The following MTUS2 variants were observed in gnomAD, a reference collection of about 807,000 sequenced individuals.
MTUS2 encodes microtubule-associated tumor suppressor candidate 2.
Under a neutral mutation model 114.1 loss-of-function variants are expected in MTUS2, and 40 were observed. The ratio of observed to expected loss-of-function variants is 0.35; its 90% CI spans 0.27 to 0.46. The LOEUF is 0.46. Among genes scored for constraint, MTUS2 ranks in the 20% least tolerant of loss-of-function variants. The probability of loss-of-function intolerance (pLI) is 1.00; values close to 1 mark genes in which losing one functional copy is unlikely to be tolerated. For synonymous variants in MTUS2, 688 were observed against 672.0 expected (o/e 1.02, Z -0.37); for missense variants, 1,679 against 1,705.4 (o/e 0.98, Z 0.27).
At chr13:29,491,629 T>TGTGTGTG (rs1882096861) in intron 11 of MTUS2, among the ~76,000 whole-genome samples, 1 of 146,752 alleles carries the variant, frequency 6.8e-6, no homozygotes, top group Non-Finnish European at 1.5e-5. Context: ...GTGTATGTGA[T>TGTGTGTG]TAGTAGGTGT....
At chr13:29,411,905 A>G (rs1875266914) in intron 8 of MTUS2, among the ~76,000 whole-genome samples, 1 of 152,140 alleles carries the variant, frequency 6.6e-6, no homozygotes, top group Non-Finnish European at 1.5e-5. Context: ...TATGAAGGCT[A>G]TTGATTTTTG....
At chr13:29,019,394 G>A (rs188512794) in intron 2 of MTUS2, among the ~76,000 whole-genome samples, 1 of 152,278 alleles carries the variant, frequency 6.6e-6, no homozygotes, top group African/African-American at 2.4e-5. Flanking sequence ...GATTATCAAT[G>A]AATGATAATG....
chr13:29,218,033 C>G (rs934766032), intron 5 of MTUS2, among the ~76,000 whole-genome samples: 1 of 151,988 alleles, frequency 6.6e-6, no homozygotes, highest in African/African-American at 2.4e-5. Context: ...AGGAGTATTC[C>G]TTGAGTCCAG....
At chr13:29,287,092 A>G (rs1898522372) in intron 6 of MTUS2, among the ~76,000 whole-genome samples, 1 of 152,270 alleles carries the variant, frequency 6.6e-6, no homozygotes. Flanking sequence ...CAGGGAAATT[A>G]TTACAGATGC....
At chr13:29,378,162 G>A (rs1490086858) in intron 8 of MTUS2, among the ~76,000 whole-genome samples, 1 of 152,068 alleles carries the variant, frequency 6.6e-6, no homozygotes, top group African/African-American at 2.4e-5. Context: ...AAGCTGTTTT[G>A]TATTCTGATT....
chr13:28,829,357 C>G (rs1410179010), intron 1 of MTUS2, among the ~76,000 whole-genome samples: 2 of 151,824 alleles, frequency 1.3e-5, no homozygotes, highest in African/African-American at 2.4e-5. Flanking sequence ...GAAATGCTGT[C>G]TCTCCTAAAA....
intron 1 of MTUS2, among the ~76,000 whole-genome samples, chr13:28,830,055 AC>A (rs1468795443): frequency 6.6e-6 from 1 of 152,218 alleles, no homozygotes; most frequent in South Asian, 2.1e-4. Context: ...AAATCTCTGT[AC>A]CGTCATTAGC....
At chr13:29,369,812 A>AGATAGGAG (rs1270949124) in intron 8 of MTUS2, among the ~76,000 whole-genome samples, 1 of 152,226 alleles carries the variant, frequency 6.6e-6, no homozygotes, top group African/African-American at 2.4e-5. Context: ...CTGACAAAAT[A>AGATAGGAG]GATAGGAGGT....
At chr13:29,145,377 G>C (rs147249113) in intron 5 of MTUS2, among the ~76,000 whole-genome samples, 3 of 151,946 alleles carry the variant, frequency 2.0e-5, no homozygotes, top group Non-Finnish European at 4.4e-5. Flanking sequence ...AAAATGAGCC[G>C]GGCATGTTGG....
chr13:29,068,095 G>T (rs1888744125), intron 4 of MTUS2, among the ~76,000 whole-genome samples: 1 of 152,202 alleles, frequency 6.6e-6, no homozygotes, highest in African/African-American at 2.4e-5. Context: ...CTGAGATGGT[G>T]TAAAAGAGAA....
intron 4 of MTUS2, among the ~76,000 whole-genome samples, chr13:29,063,775 T>C (rs1042387172): frequency 6.6e-6 from 1 of 152,246 alleles, no homozygotes; most frequent in Admixed American, 6.5e-5. Context: ...GTATTTCTGG[T>C]ATAAGAATTC....
intron 6 of MTUS2, among the ~76,000 whole-genome samples, chr13:29,284,320 G>A (rs935263122): frequency 2.0e-5 from 3 of 151,472 alleles, no homozygotes; most frequent in Admixed American, 6.6e-5. Flanking sequence ...AAATGTAGTC[G>A]ACTATGTTTT....
rs545689224 is a variant in MTUS2, at chr13:29,009,928, A to C, written c.-242-14529A>C. Among the ~76,000 whole-genome samples the C allele has an allele frequency of 7.9e-5, 12 of 152,150 alleles. No homozygotes were observed. The South Asian group carries it at 2.5e-3, about 32-fold the overall frequency. On this transcript the variant is annotated intron_variant, in intron 2 of 15. Transcript: ENST00000612955. ...AGAGTGTGGAGGATAAAAAGCTATA[A>C]AGGCCAGGCACGGTGGCTCACTCCT...
intron 2 of MTUS2, among the ~76,000 whole-genome samples, chr13:28,965,843 C>G (rs1883558008): frequency 6.6e-6 from 1 of 152,020 alleles, no homozygotes; most frequent in African/African-American, 2.4e-5. Context: ...TGTGGCTCAC[C>G]CACATTATGG....
chr13:29,077,019 C>T (rs986110867), intron 4 of MTUS2, among the ~76,000 whole-genome samples: 1 of 152,094 alleles, frequency 6.6e-6, no homozygotes, highest in Non-Finnish European at 1.5e-5. Context: ...TGGTTTTATC[C>T]TCATTTTTCA....
At chr13:28,858,819 G>A (rs558834608) in intron 2 of MTUS2, among the ~76,000 whole-genome samples, 1 of 152,290 alleles carries the variant, frequency 6.6e-6, no homozygotes, top group South Asian at 2.1e-4. Flanking sequence ...GAGTGACAGA[G>A]TGGGTGGGGA....
chr13:29,480,353 C>A lies in MTUS2; in HGVS notation c.3388C>A (p.His1130Asn). 2.0e-6 allele frequency: 3 copies of A among 1,534,796 alleles called. No individual in the cohort carries two copies. The highest frequency in any genetic ancestry group is 2.6e-6 in the Non-Finnish European group (3 of 1,138,260). ...GDQLLSIRCQ[H>N]QEQVEDLTAS... ...CCAGCTGCTGAGCATCCGGTGTCAACACCAGGAGCAGGTCAGTCTGCAGTG... is the reference window on the plus strand; with the variant it reads ...CCAGCTGCTGAGCATCCGGTGTCAAAACCAGGAGCAGGTCAGTCTGCAGTG... Residue 1130 changes from histidine to asparagine, a missense_variant, in exon 10 of 16, where the codon CAC becomes AAC. Transcript: ENST00000612955. The surrounding 1 kb of genome is among the most constrained non-coding windows in gnomAD (Gnocchi z 4.4).
chr13:29,327,581 C>T (rs1296856131), intron 7 of MTUS2, among the ~76,000 whole-genome samples: 5 of 152,106 alleles, frequency 3.3e-5, no homozygotes, highest in Non-Finnish European at 7.3e-5. Context: ...TTTACTAGTG[C>T]GTAGAATTCT....
At chr13:29,175,774 CT>C (rs11409692) in intron 5 of MTUS2, among the ~76,000 whole-genome samples, 9 of 149,238 alleles carry the variant, frequency 6.0e-5, no homozygotes, top group East Asian at 2.0e-4. Flanking sequence ...AATAGGTTTT[CT>C]TTTTTTTTTT....
Sources: allele counts gnomAD v4.1 joint callset (sites outside exome capture counted in the v4.1 genomes callset), GRCh38; gene constraint gnomAD v4.1.1; non-coding constraint Gnocchi (gnomAD v3.1); transcripts MANE v1.5; gene names NCBI Gene and HGNC (gene_info 2026-07-23, HGNC 2026-07-21).